The following CSMD1 variants were observed in gnomAD, a reference collection of about 807,000 sequenced individuals.
CSMD1 encodes the protein CUB and sushi domain-containing protein 1.
Under a neutral mutation model 417.5 loss-of-function variants are expected in CSMD1, and 213 were observed. The ratio of observed to expected loss-of-function variants is 0.51; its 90% CI spans 0.46 to 0.57. CSMD1 has a LOEUF of 0.57. Among genes scored for constraint, CSMD1 ranks in the 20% least tolerant of loss-of-function variants. CSMD1 has a pLI of 0.00. For synonymous variants in CSMD1, 2,862 were observed against 1,736.8 expected (o/e 1.65, Z -16.11); for missense variants, 6,923 against 4,529.7 (o/e 1.53, Z -15.17).
rs188072041 is a variant in CSMD1, at chr8:3,479,523, G to A, written c.1449-10699C>T. Among the ~76,000 whole-genome samples the A allele has an allele frequency of 3.3e-3, 501 of 152,228 alleles. 5 individuals are homozygous for A. The highest frequency in any genetic ancestry group is 0.011 in the African/African-American group (447 of 41,540). ...TTGAACTCCCGACCTTAGGTGATCT[G>A]CCCACCTCGGCCCCCCAAAGTGCTG... is the stretch of plus-strand genomic sequence containing the variant. On this transcript the variant is annotated intron_variant, in intron 11 of 69. Transcript: ENST00000635120.
intron 1 of CSMD1, among the ~76,000 whole-genome samples, chr8:4,766,871 C>T (rs373111200): frequency 1.4e-4 from 22 of 152,120 alleles, no homozygotes; most frequent in African/African-American, 4.6e-4. Flanking sequence ...TATAAATATA[C>T]ATTAAATCTT....
At chr8:3,749,435 A>T (rs2720848) in intron 6 of CSMD1, among the ~76,000 whole-genome samples, 1 of 152,198 alleles carries the variant, frequency 6.6e-6, no homozygotes, top group Non-Finnish European at 1.5e-5. Flanking sequence ...ACTGCTTCTG[A>T]CATGACTTGA....
intron 37 of CSMD1, among the ~76,000 whole-genome samples, chr8:3,170,454 C>A (rs577461870): frequency 1.3e-5 from 2 of 152,270 alleles, no homozygotes; most frequent in South Asian, 2.1e-4. Flanking sequence ...GTCATCCGCC[C>A]GCCTCGGCCT....
At chr8:4,586,123 C>A (rs1799687477) in intron 2 of CSMD1, among the ~76,000 whole-genome samples, 1 of 152,162 alleles carries the variant, frequency 6.6e-6, no homozygotes. Context: ...AATTGGCTAT[C>A]CATCTCCTCA....
intron 1 of CSMD1, among the ~76,000 whole-genome samples, chr8:4,723,576 T>C (rs1809204901): frequency 6.6e-6 from 1 of 151,898 alleles, no homozygotes; most frequent in Non-Finnish European, 1.5e-5. Context: ...ATACCAAATA[T>C]TGTAAATTGT....
intron 3 of CSMD1, among the ~76,000 whole-genome samples, chr8:4,095,524 T>C (rs17068940): frequency 0.22 from 34,150 of 152,220 alleles, 4,773 homozygotes; most frequent in African/African-American, 0.39. Flanking sequence ...TCCCCACTAG[T>C]ATCAATGTAA....
chr8:4,005,639 G>T lies in CSMD1; in HGVS notation c.611-7529C>A, dbSNP rs564521318. On this transcript the variant is annotated intron_variant, in intron 4 of 69. Coordinates refer to ENST00000635120, the MANE Select transcript of CSMD1 (RefSeq NM_033225.6). ...TCACTCTCAATTGAGAGAACATAGG[G>T]TGTCTCCCATGGATACTATATTTGG... 2.0e-5 allele frequency among the ~76,000 whole-genome samples: 3 copies of T among 152,292 alleles called. No individual in the cohort carries two copies. The East Asian group carries it at 5.8e-4, about 29-fold the overall frequency.
At chr8:4,598,848 G>C (rs1250694270) in intron 2 of CSMD1, among the ~76,000 whole-genome samples, 1 of 151,988 alleles carries the variant, frequency 6.6e-6, no homozygotes, top group Non-Finnish European at 1.5e-5. Flanking sequence ...ATGAAAATAA[G>C]GAAGAACTAC....
At chr8:4,976,365 T>C (rs942678556) in intron 1 of CSMD1, among the ~76,000 whole-genome samples, 2 of 152,206 alleles carry the variant, frequency 1.3e-5, no homozygotes, top group Non-Finnish European at 2.9e-5. Flanking sequence ...AACATAATTA[T>C]CTTATCTATT....
chr8:4,423,152 A>T (rs939023756), intron 2 of CSMD1, among the ~76,000 whole-genome samples: 1 of 152,096 alleles, frequency 6.6e-6, no homozygotes. Context: ...AAGAAATTTG[A>T]ACAAGTCAAG....
intron 10 of CSMD1, among the ~76,000 whole-genome samples, chr8:3,535,692 G>A (rs558694173): frequency 6.6e-6 from 1 of 152,286 alleles, no homozygotes; most frequent in East Asian, 1.9e-4. Context: ...AATTGCACTT[G>A]TACCCCTCAT....
chr8:3,941,868 G>A lies in CSMD1; in HGVS notation c.818+56035C>T, dbSNP rs150551129. Among the ~76,000 whole-genome samples the A allele has an allele frequency of 8.5e-5, 13 of 152,186 alleles. No individual in the cohort carries two copies. The East Asian group carries it at 1.7e-3, about 20-fold the overall frequency. ...CAAAAGGGTCCCCAACCCTGGCTAT[G>A]GGCCAGTGTCAGTCTGTGCCCTTTT... On this transcript the variant is annotated intron_variant, in intron 5 of 69. Transcript: ENST00000635120.
At chr8:4,089,462 G>C (rs1453239943) in intron 3 of CSMD1, among the ~76,000 whole-genome samples, 1 of 152,000 alleles carries the variant, frequency 6.6e-6, no homozygotes, top group African/African-American at 2.4e-5. Context: ...GTCCTTCATA[G>C]TTTTCAAAAA....
At chr8:4,614,409 A>G (rs990170900) in intron 2 of CSMD1, among the ~76,000 whole-genome samples, 4 of 152,220 alleles carry the variant, frequency 2.6e-5, no homozygotes, top group African/African-American at 9.6e-5. Flanking sequence ...TATTAAGGTC[A>G]GAAAATCCAG....
rs1340422609 is a variant in CSMD1 at position 4,355,965 on chromosome 8, GTTCT to G, written c.415+63984_415+63987del. Reference sequence around the variant, plus strand: ...TGTAGAATTGCATTTTTTTATGGATGTTCTTTCTTATTTTTTCATGATATTGGGG... The same window carrying G: ...TGTAGAATTGCATTTTTTTATGGATGTTCTTATTTTTTCATGATATTGGGG... On this transcript the variant is annotated intron_variant, in intron 3 of 69. Transcript: ENST00000635120. Among the ~76,000 whole-genome samples, 7 of 152,080 alleles carry G rather than the reference GTTCT, an allele frequency of 4.6e-5. 1 individual carries two copies. The highest frequency in any genetic ancestry group is 1.9e-4 in the East Asian group (1 of 5,194).
intron 12 of CSMD1, among the ~76,000 whole-genome samples, chr8:3,437,234 T>A (rs938404021): frequency 6.6e-6 from 1 of 152,178 alleles, no homozygotes; most frequent in Non-Finnish European, 1.5e-5. Flanking sequence ...ATTTGATGTA[T>A]CCTTGTCTAA....
chr8:3,701,261 C>T (rs910091537), intron 7 of CSMD1, among the ~76,000 whole-genome samples: 3 of 152,296 alleles, frequency 2.0e-5, no homozygotes, highest in Middle Eastern at 3.4e-3. Context: ...ATTGGATCAT[C>T]TCGGGACAAC....
At chr8:4,440,537 C>A (rs938414836) in intron 2 of CSMD1, among the ~76,000 whole-genome samples, 2 of 152,122 alleles carry the variant, frequency 1.3e-5, no homozygotes, top group African/African-American at 4.8e-5. Context: ...GTACAGATAA[C>A]ATTGCTGACA....
chr8:3,387,373 A>T (rs1811069179), intron 18 of CSMD1, 121 bp downstream of exon 18: 1 of 721,900 alleles, frequency 1.4e-6, no homozygotes, highest in Non-Finnish European at 2.3e-6. Context: ...AACTTCTCAG[A>T]GGGAACTCAC....
Sources: gnomAD v4.1 joint callset for allele counts (sites outside exome capture counted in the v4.1 genomes callset) on GRCh38, gnomAD v4.1.1 for gene constraint, MANE v1.5 for transcripts, NCBI Gene and HGNC (gene_info 2026-07-23, HGNC 2026-07-21) for gene names.